Variants in SEMA3F observed in about 807,000 individuals in gnomAD.
SEMA3F encodes the protein semaphorin 3F.
A neutral mutation model predicts 98.5 loss-of-function variants in SEMA3F; 30 were observed. That is an observed-to-expected ratio of 0.30 (90% CI 0.23 to 0.41). SEMA3F has a LOEUF of 0.41. SEMA3F is among the 10% of genes least tolerant of loss of function. SEMA3F has a pLI of 1.00. For missense variants in SEMA3F, 866 were observed against 1,119.3 expected (o/e 0.77, Z 3.23); for synonymous variants, 380 against 444.8 (o/e 0.85, Z 1.83).
chr3:50,167,280 G>C (rs2109071775), intron 2 of SEMA3F, among the ~76,000 whole-genome samples: 1 of 152,346 alleles, frequency 6.6e-6, no homozygotes, highest in South Asian at 2.1e-4. Context: ...ATGGACCATG[G>C]GGAAGGCAGG....
intron 2 of SEMA3F, among the ~76,000 whole-genome samples, chr3:50,170,807 ACT>A (rs1288199761): frequency 6.6e-6 from 1 of 150,486 alleles, no homozygotes; most frequent in Non-Finnish European, 1.5e-5. Context: ...CTCCCCCCAC[ACT>A]GTTTCCACAG....
chr3:50,187,260 C>T (rs1390620173), intron 18 of SEMA3F, among the ~76,000 whole-genome samples: 1 of 152,050 alleles, frequency 6.6e-6, no homozygotes, highest in Non-Finnish European at 1.5e-5. Flanking sequence ...AACCCTCTCT[C>T]TACCAAAAAT....
chr3:50,178,383 A>G (rs1203783878), intron 7 of SEMA3F, among the ~76,000 whole-genome samples: 1 of 152,108 alleles, frequency 6.6e-6, no homozygotes, highest in African/African-American at 2.4e-5. Flanking sequence ...ATAAGCAGTA[A>G]TATTTTGAAA....
At chr3:50,178,437 C>T (rs1204247053) in intron 7 of SEMA3F, among the ~76,000 whole-genome samples, 1 of 151,572 alleles carries the variant, frequency 6.6e-6, no homozygotes, top group Non-Finnish European at 1.5e-5. Context: ...ATTCAGAAAA[C>T]CGGCCAGGCA....
In SEMA3F at chr3:50,174,040, C is replaced by T. The variant is rs765182452; in HGVS notation, c.274-12C>T. ...TCCAGAAGGCTGCACCTTCTGACCC[C>T]CCTCTCTGCAGATACACTGGGCAGC... On this transcript the variant is annotated splice_polypyrimidine_tract_variant and intron_variant, in intron 3 of 18. Transcript: ENST00000002829. 1.2e-6 allele frequency: 2 copies of T among 1,614,110 alleles called. No individual in the cohort carries two copies. Among genetic ancestry groups the T allele is most frequent in the East Asian group, 2.2e-5 (1 of 44,880 alleles).
intron 2 of SEMA3F, 68 bp from the exon 3 acceptor site, chr3:50,173,725 T>G (rs1264446981): frequency 1.4e-6 from 2 of 1,400,072 alleles, no homozygotes; most frequent in Non-Finnish European, 2.0e-6. Flanking sequence ...AGTCTCCCCT[T>G]TATCAGAGGG....
At chr3:50,187,338 G>T (rs1699254764) in intron 18 of SEMA3F, among the ~76,000 whole-genome samples, 1 of 151,110 alleles carries the variant, frequency 6.6e-6, no homozygotes, top group African/African-American at 2.4e-5. Context: ...TGGGAGGATG[G>T]CTTGAGCCTG....
intron 2 of SEMA3F, chr3:50,173,432 A>T (rs6446201): frequency 1.3e-5 from 3 of 231,902 alleles, no homozygotes; most frequent in South Asian, 6.3e-5. Context: ...AGATCGCGCC[A>T]TTGCACTCCA....
intron 2 of SEMA3F, among the ~76,000 whole-genome samples, chr3:50,160,531 GTGGTC>G (rs1325661961): frequency 5.3e-5 from 8 of 152,246 alleles, no homozygotes; most frequent in Admixed American, 5.2e-4. Flanking sequence ...AAGGGTGTGT[GTGGTC>G]TGAAGAGTCT....
intron 2 of SEMA3F, among the ~76,000 whole-genome samples, chr3:50,168,159 G>A (rs1409406984): frequency 6.6e-6 from 1 of 152,044 alleles, no homozygotes; most frequent in African/African-American, 2.4e-5. Context: ...GGCCCTCTGG[G>A]TCTCCAATCT....
chr3:50,170,939 G>A (rs377260191), intron 2 of SEMA3F, among the ~76,000 whole-genome samples: 2 of 152,196 alleles, frequency 1.3e-5, no homozygotes, highest in African/African-American at 2.4e-5. Flanking sequence ...GTCACCTTCC[G>A]GCCCTGGCCC....
intron 2 of SEMA3F, among the ~76,000 whole-genome samples, chr3:50,172,703 G>A (rs1216190700): frequency 6.6e-6 from 1 of 152,134 alleles, no homozygotes. Context: ...GGGAAGCTGG[G>A]GTCCGTAGGG....
chr3:50,183,304 G>A (rs1269973906), intron 11 of SEMA3F, 49 bp downstream of exon 11: 2 of 1,608,474 alleles, frequency 1.2e-6, no homozygotes, highest in East Asian at 2.2e-5. Context: ...CCCCGTTGGG[G>A]GATTGTAACT....
In SEMA3F at chr3:50,156,643, C is replaced by T. The variant is rs1469037752; in HGVS notation, c.-49+1079C>T. ...GAGCTGAGGCCTCTTCCCAGGCTAC[C>T]CAAGGGGTGTGCCAGGACCCCGTAG... On this transcript the variant is annotated intron_variant, in intron 1 of 18. Transcript: ENST00000002829. The surrounding 1 kb of genome is among the most constrained non-coding windows in gnomAD (Gnocchi z 4.5). Among the ~76,000 whole-genome samples the T allele has an allele frequency of 6.6e-6, 1 of 152,188 alleles. No homozygotes were observed. The highest frequency in any genetic ancestry group is 2.4e-5 in the African/African-American group (1 of 41,432).
In SEMA3F at chr3:50,156,748, C is replaced by T. The variant is rs1345590549; in HGVS notation, c.-49+1184C>T. On this transcript the variant is annotated intron_variant, in intron 1 of 18. Transcript: ENST00000002829. The surrounding 1 kb of genome is among the most constrained non-coding windows in gnomAD (Gnocchi z 4.5). Reference sequence around the variant, plus strand: ...CCTTCAGCTCCGAAGGAGCCAGGCCCGGAAGTGGGGAGGTGGGGGCCGGAG... The same window carrying T: ...CCTTCAGCTCCGAAGGAGCCAGGCCTGGAAGTGGGGAGGTGGGGGCCGGAG... 3.3e-5 allele frequency among the ~76,000 whole-genome samples: 5 copies of T among 152,286 alleles called. No homozygotes were observed. The South Asian group carries it at 6.2e-4, about 19-fold the overall frequency.
Position 50,156,490 on chromosome 3 carries a change from G to A in SEMA3F, c.-49+926G>A, listed in dbSNP as rs1176610898. On this transcript the variant is annotated intron_variant, in intron 1 of 18. Transcript: ENST00000002829. The surrounding 1 kb of genome is among the most constrained non-coding windows in gnomAD (Gnocchi z 4.5). ...ACACCAGTATGTCCACCCTGAAGCT[G>A]GGCCAGGTTGGGGACCTCTGTCCTC... 1.3e-5 allele frequency among the ~76,000 whole-genome samples: 2 copies of A among 152,212 alleles called. No individual in the cohort carries two copies.
Position 50,182,915 on chromosome 3 carries a change from T to C in SEMA3F, c.915T>C (p.Gly305=). Residue 305 remains glycine, a synonymous_variant, in exon 10 of 19, where the codon GGT becomes GGC. Transcript: ENST00000002829. This position sits in a 1 kb window ranked among gnomAD's most constrained non-coding sequence, Gnocchi z 4.5. ...RIGRICLNDD[G]GHCCLVNKWS... ...GCCCCACCCCCCAGAACGATGACGG[T>C]GGTCACTGTTGCCTGGTCAACAAGT... 1 of 1,613,822 alleles carries C rather than the reference T, an allele frequency of 6.2e-7. No homozygotes were observed. Among genetic ancestry groups the C allele is most frequent in the Non-Finnish European group, 8.5e-7 (1 of 1,179,944 alleles).
chr3:50,185,409 CAG>C, intron 13 of SEMA3F, 32 bp from the exon 14 acceptor site: 1 of 1,587,640 alleles, frequency 6.3e-7, no homozygotes, highest in Non-Finnish European at 8.6e-7. Context: ...CCAGCATCCC[CAG>C]CCCCACTGAG....
At position 50,185,322 on chromosome 3, in the gene SEMA3F, G is replaced by A. The variant is rs1053721170; in HGVS notation, c.1457-121G>A. The A allele has an allele frequency of 3.3e-6, 3 of 902,178 alleles. No homozygotes were observed. In the African/African-American group the frequency reaches 5.0e-5, roughly 15 times the overall value. The allele number at this position is 902,178 out of a possible 1,614,324, so 55.9% of individuals were successfully genotyped here. A position where few individuals can be genotyped will look rare whatever the true frequency, so the allele number is the denominator to read the frequency against. The stretch of plus-strand genomic sequence containing the variant: ...GACCTGGGGAAACTCTTCCACCTTG[G>A]CACAAAGCTCCAGCTCCAATGCCCT... On this transcript the variant is annotated intron_variant, in intron 13 of 18. Transcript: ENST00000002829.
Sources: gnomAD v4.1 joint callset for allele counts (sites outside exome capture counted in the v4.1 genomes callset) on GRCh38, gnomAD v4.1.1 for gene constraint, Gnocchi (gnomAD v3.1) non-coding constraint, MANE v1.5 for transcripts, NCBI Gene and HGNC (gene_info 2026-07-23, HGNC 2026-07-21) for gene names.